PITPNM3: variants seen among roughly 807,000 people sequenced by gnomAD.
The protein encoded by PITPNM3 is PITPNM family member 3.
PITPNM3 carries 26 observed loss-of-function variants against 102.0 expected under a neutral mutation model. The ratio of observed to expected loss-of-function variants is 0.25; its 90% CI spans 0.19 to 0.35. PITPNM3 has a LOEUF of 0.35. Ranked by LOEUF, PITPNM3 falls within the 10% of genes least tolerant of loss-of-function variation. The probability of loss-of-function intolerance (pLI) is 1.00; values close to 1 mark genes in which losing one functional copy is unlikely to be tolerated. For missense variants in PITPNM3, 1,083 were observed against 1,346.1 expected, an observed-to-expected ratio of 0.80 and a Z score of 3.06; for synonymous variants, 578 against 558.6, an observed-to-expected ratio of 1.03 and a Z score of -0.49.
At chr17:6,553,844 T>C (rs1452432940) in intron 1 of PITPNM3, among the ~76,000 whole-genome samples, 2 of 152,064 alleles carry the variant, frequency 1.3e-5, no homozygotes, top group African/African-American at 4.8e-5. Flanking sequence ...CTCTCTATGT[T>C]CTCCTTGGGC....
At chr17:6,493,706 C>A (rs1906632714) in intron 4 of PITPNM3, among the ~76,000 whole-genome samples, 1 of 152,210 alleles carries the variant, frequency 6.6e-6, no homozygotes, top group African/African-American at 2.4e-5. Context: ...TCTGACTAAC[C>A]AGGCTAAGGT....
chr17:6,471,106 G>A, intron 12 of PITPNM3, 55 bp downstream of exon 12: 5 of 1,597,272 alleles, frequency 3.1e-6, no homozygotes, highest in African/African-American at 1.3e-5. Flanking sequence ...CAAACACCCA[G>A]AGGAAGGTTC....
intron 2 of PITPNM3, among the ~76,000 whole-genome samples, chr17:6,528,191 G>T (rs1201350207): frequency 6.6e-6 from 1 of 152,096 alleles, no homozygotes; most frequent in Admixed American, 6.5e-5. Flanking sequence ...GCTCTCCCAT[G>T]CTGCCTGCCA....
At chr17:6,524,970 C>A (rs1908743239) in intron 3 of PITPNM3, among the ~76,000 whole-genome samples, 1 of 152,188 alleles carries the variant, frequency 6.6e-6, no homozygotes, top group Non-Finnish European at 1.5e-5. Flanking sequence ...TTCTCTCTCC[C>A]CTTAGACCTC....
At chr17:6,506,515 G>A (rs1445401537) in intron 3 of PITPNM3, among the ~76,000 whole-genome samples, 3 of 151,970 alleles carry the variant, frequency 2.0e-5, no homozygotes, top group Non-Finnish European at 4.4e-5. Flanking sequence ...GGGACTACAG[G>A]CACCCGCCAC....
intron 4 of PITPNM3, among the ~76,000 whole-genome samples, chr17:6,490,767 C>A (rs992624147): frequency 1.3e-5 from 2 of 151,246 alleles, no homozygotes; most frequent in African/African-American, 2.4e-5. Context: ...ACCAGCCCGG[C>A]CAACCTGGTG....
chr17:6,551,315 T>C (rs1297741078), intron 1 of PITPNM3, among the ~76,000 whole-genome samples: 3 of 150,454 alleles, frequency 2.0e-5, no homozygotes, highest in Non-Finnish European at 4.4e-5. Flanking sequence ...TGAGCTGAGA[T>C]CGCGCCACTG....
At position 6,538,023 on chromosome 17, in the gene PITPNM3, CAG is replaced by C. The variant is rs1567693798; in HGVS notation, c.80_81del (p.Ser27CysfsTer6). On this transcript the variant is annotated frameshift_variant, in exon 2 of 20. Transcript: ENST00000262483. LOFTEE classifies it high-confidence loss of function. Reference protein sequence around the residue: ...PWHLRNVLSDSVESSDDEFFD... With the variant: ...PWHLRNVLSDXVESSDDEFFD... ...AAGAATTCATCATCTGAGCTCTCCA[CAG>C]AGTCACTGAGGACATTTCGAAGGTG... The C allele has an allele frequency of 6.2e-7, 1 of 1,613,928 alleles. No homozygotes were observed. Among genetic ancestry groups the C allele is most frequent in the Non-Finnish European group, 8.5e-7 (1 of 1,179,934 alleles).
Position 6,478,021 on chromosome 17 carries a change from T to C in PITPNM3, c.854A>G (p.Asp285Gly). Residue 285 changes from aspartate to glycine, a missense_variant, in exon 8 of 20, where the codon GAC becomes GGC. Physicochemically the swap from Asp to Gly is moderately conservative, Grantham distance 94 (BLOSUM62 -1). This residue lies in a region of PITPNM3 where 172 missense variants were observed against 175.6 expected (regional missense o/e 0.98). Coordinates refer to ENST00000262483, the MANE Select transcript of PITPNM3 (RefSeq NM_031220.4). This position sits in a 1 kb window ranked among gnomAD's most constrained non-coding sequence, Gnocchi z 4.4. ...AICYSAGPSG[D>G]SPASSSRKGS... ...CTTCCGGCTGCTGCTGGCAGGGCTG[T>C]CCCCTGAGGGCCCCGCACTGTAGCA... is the stretch of plus-strand genomic sequence containing the variant. The C allele has an allele frequency of 3.1e-6, 5 of 1,613,586 alleles. No individual in the cohort carries two copies. Among genetic ancestry groups the C allele is most frequent in the Non-Finnish European group, 4.2e-6 (5 of 1,180,026 alleles).
chr17:6,532,555 G>A (rs1478141550), intron 2 of PITPNM3, among the ~76,000 whole-genome samples: 1 of 151,958 alleles, frequency 6.6e-6, no homozygotes. Context: ...TGGTTTTCAT[G>A]TCCTAGACTT....
In PITPNM3 at chr17:6,525,368, C is replaced by T; in HGVS notation, c.214G>A (p.Asp72Asn). 6.2e-7 allele frequency: 1 copy of T among 1,614,166 alleles called. No individual in the cohort carries two copies. The highest frequency in any genetic ancestry group is 8.5e-7 in the Non-Finnish European group (1 of 1,179,970). The change falls in exon 3 of 20, where the codon GAC becomes AAC. Residue 72 changes from aspartate to asparagine, a missense_variant. Physicochemically the swap from Asp to Asn is conservative, Grantham distance 23. Transcript: ENST00000262483. The stretch of plus-strand genomic sequence containing the variant: ...AGCAGAGTCTCACCTTGATGCTCGT[C>T]CAGTTTCCCCATGGTCTCGATCTGC... ...VEQIETMGKL[D>N]EHQGEGTAPC...
At chr17:6,467,813 C>T (rs1410689865) in intron 14 of PITPNM3, among the ~76,000 whole-genome samples, 1 of 152,246 alleles carries the variant, frequency 6.6e-6, no homozygotes, top group African/African-American at 2.4e-5. Flanking sequence ...TTTGCCCTTA[C>T]AATCCTTCTT....
chr17:6,484,369 C>A (rs1327968474), intron 4 of PITPNM3, 77 bp from the exon 5 acceptor site: 1 of 1,435,440 alleles, frequency 7.0e-7, no homozygotes, highest in Non-Finnish European at 9.8e-7. Flanking sequence ...CCCAGCTGGC[C>A]CTAAAGGTGA....
intron 3 of PITPNM3, among the ~76,000 whole-genome samples, chr17:6,512,424 T>C (rs559533900): frequency 6.6e-6 from 1 of 152,310 alleles, no homozygotes; most frequent in Admixed American, 6.5e-5. Context: ...GAAGAGGGAA[T>C]TGGACCTGTG....
At chr17:6,498,358 G>A (rs563305926) in intron 4 of PITPNM3, among the ~76,000 whole-genome samples, 152 of 152,342 alleles carry the variant, frequency 1.0e-3, no homozygotes, top group African/African-American at 3.4e-3. Context: ...CTGGGGAAAC[G>A]GGAGAGCTGA....
chr17:6,463,473 G>A (rs1904595016), intron 17 of PITPNM3, among the ~76,000 whole-genome samples: 2 of 149,778 alleles, frequency 1.3e-5, no homozygotes, highest in Non-Finnish European at 3.0e-5. Context: ...AAAAAAGGAA[G>A]GAATTGAGGG....
At chr17:6,456,632 A>G (rs1914128880) in intron 19 of PITPNM3, among the ~76,000 whole-genome samples, 1 of 152,076 alleles carries the variant, frequency 6.6e-6, no homozygotes, top group Admixed American at 6.5e-5. Context: ...TCAGAGTTTG[A>G]GAAGCAGGGC....
At position 6,455,069 on chromosome 17, in the gene PITPNM3, C is replaced by G; in HGVS notation, c.*269G>C. ...GGGCAAGCCTGCCCCCAGGATGACA[C>G]AAACATGAACCCTGACTTGGGCTTG... On this transcript the variant is annotated 3_prime_UTR_variant, in exon 20 of 20. Coordinates refer to ENST00000262483, the MANE Select transcript of PITPNM3 (RefSeq NM_031220.4). 2.0e-6 allele frequency: 1 copy of G among 503,472 alleles called. No individual in the cohort carries two copies. Among genetic ancestry groups the G allele is most frequent in the Non-Finnish European group, 3.4e-6 (1 of 290,376 alleles). The allele number at this position is 503,472 out of a possible 1,614,324, so 31.2% of individuals were successfully genotyped here.
intron 2 of PITPNM3, 150 bp from the exon 3 acceptor site, chr17:6,525,613 C>T: frequency 1.4e-6 from 1 of 710,952 alleles, no homozygotes; most frequent in East Asian, 2.7e-5. Flanking sequence ...TGTAGCTAGA[C>T]AGTTACAAGA....
Sources: allele counts gnomAD v4.1 joint callset (sites outside exome capture counted in the v4.1 genomes callset), GRCh38; gene constraint gnomAD v4.1.1; regional missense constraint gnomAD v4.1.1; non-coding constraint Gnocchi (gnomAD v3.1); transcripts MANE v1.5; gene names NCBI Gene and HGNC (gene_info 2026-07-23, HGNC 2026-07-21).